The following GDA variants were observed in gnomAD, a reference collection of about 807,000 sequenced individuals.
The protein encoded by GDA is guanine deaminase.
GDA carries 18 observed loss-of-function variants against 59.6 expected under a neutral mutation model. The ratio of observed to expected loss-of-function variants is 0.30; its 90% CI spans 0.21 to 0.45. The LOEUF is 0.45. Ranked by LOEUF, GDA falls within the 20% of genes least tolerant of loss-of-function variation. The pLI is 1.00. For synonymous variants in GDA, 201 were observed against 201.1 expected (o/e 1.00, Z 0.00); for missense variants, 427 against 552.3 (o/e 0.77, Z 2.27).
Position 72,249,257 on chromosome 9 carries a change from A to C in GDA, c.*915A>C, listed in dbSNP as rs1407099173. ...CAAATGCTGGCATCCAGGAGCCGCCAATACTAACAGGACAGGTTCCATTGC... is the reference window on the plus strand; with the variant it reads ...CAAATGCTGGCATCCAGGAGCCGCCCATACTAACAGGACAGGTTCCATTGC... On this transcript the variant is annotated 3_prime_UTR_variant, in exon 14 of 14. Transcript: ENST00000358399. 17 of 985,266 alleles carry C rather than the reference A, an allele frequency of 1.7e-5. No homozygotes were observed. Among genetic ancestry groups the C allele is most frequent in the Non-Finnish European group, 2.0e-5 (17 of 829,900 alleles). The allele number at this position is 985,266 out of a possible 1,614,324, so 61.0% of individuals were successfully genotyped here.
chr9:72,259,027 T>C (rs1028646024), downstream of GDA, among the ~76,000 whole-genome samples: 4 of 110,176 alleles, frequency 3.6e-5, no homozygotes, highest in African/African-American at 1.3e-4. Context: ...ATAATAACTC[T>C]TTTTTTTTTT....
intron 1 of GDA, among the ~76,000 whole-genome samples, chr9:72,170,103 C>T (rs1382206428): frequency 2.6e-5 from 4 of 152,128 alleles, no homozygotes; most frequent in African/African-American, 9.7e-5. Context: ...CGGGATATGA[C>T]AAAGAAGATC....
At position 72,125,567 on chromosome 9, in the gene GDA, T is replaced by C. The variant is rs565196883; in HGVS notation, c.-100+10734T>C. Among the ~76,000 whole-genome samples, 158 of 152,310 alleles carry C rather than the reference T, an allele frequency of 1.0e-3. 1 individual carries two copies. Among genetic ancestry groups the C allele is most frequent in the African/African-American group, 3.6e-3 (149 of 41,572 alleles). ...ATTTTATAGGCATAAAATAAAATCA[T>C]GTACTTAGAATTAAAAATGACGCCA... On this transcript the variant is annotated intron_variant, in intron 1 of 13. Transcript: ENST00000545168.
At chr9:72,126,846 C>T (rs761214417) in intron 1 of GDA, among the ~76,000 whole-genome samples, 2 of 151,920 alleles carry the variant, frequency 1.3e-5, no homozygotes, top group Non-Finnish European at 2.9e-5. Flanking sequence ...GGATTACATG[C>T]GTGAGCCACC....
chr9:72,216,806 G>C (rs1008033468), intron 5 of GDA, among the ~76,000 whole-genome samples: 1 of 151,898 alleles, frequency 6.6e-6, no homozygotes, highest in Non-Finnish European at 1.5e-5. Context: ...CTCCCAAGTA[G>C]CTGCGACTAC....
At chr9:72,222,471 T>C (rs1837014124) in intron 6 of GDA, among the ~76,000 whole-genome samples, 1 of 152,252 alleles carries the variant, frequency 6.6e-6, no homozygotes, top group Non-Finnish European at 1.5e-5. Flanking sequence ...TAGACTTTTG[T>C]CAGATGCATA....
chr9:72,166,850 C>A (rs12347198), intron 1 of GDA, among the ~76,000 whole-genome samples: 1 of 151,988 alleles, frequency 6.6e-6, no homozygotes, highest in African/African-American at 2.4e-5. Context: ...CACCAATTTC[C>A]TTTTTCTCAG....
intron 1 of GDA, among the ~76,000 whole-genome samples, chr9:72,175,756 A>G (rs1262832497): frequency 6.6e-6 from 1 of 152,184 alleles, no homozygotes; most frequent in Admixed American, 6.5e-5. Flanking sequence ...CCCACTTTCT[A>G]CTTTTACAAC....
At chr9:72,197,773 G>C (rs115957786) in intron 2 of GDA, among the ~76,000 whole-genome samples, 1,639 of 152,200 alleles carry the variant, frequency 0.011, 39 homozygotes, top group African/African-American at 0.038. Flanking sequence ...AGTTATGTGC[G>C]GTTGAATTTA....
rs530067207 is a variant in GDA, at chr9:72,213,531, C to T, written c.473-355C>T. Among the ~76,000 whole-genome samples, 33 of 152,052 alleles carry T rather than the reference C, an allele frequency of 2.2e-4. 2 individuals carry two copies. Among genetic ancestry groups the T allele is most frequent in the Admixed American group, 7.9e-4 (12 of 15,276 alleles). On this transcript the variant is annotated intron_variant, in intron 4 of 13. Transcript: ENST00000358399. Reference sequence around the variant, plus strand: ...GAAAAAGTACTGTTTTGGCCGGGCGCGGTGGCTCACGCCTGTAATCCCAGC... The same window carrying T: ...GAAAAAGTACTGTTTTGGCCGGGCGTGGTGGCTCACGCCTGTAATCCCAGC...
chr9:72,148,998 C>G (rs188502386), upstream of GDA, among the ~76,000 whole-genome samples: 1 of 152,156 alleles, frequency 6.6e-6, no homozygotes, highest in African/African-American at 2.4e-5. Flanking sequence ...CAGAGATGTT[C>G]GGTAAGACAT....
chr9:72,144,530 A>G (rs1826552826), upstream of GDA, among the ~76,000 whole-genome samples: 1 of 152,234 alleles, frequency 6.6e-6, no homozygotes, highest in African/African-American at 2.4e-5. Flanking sequence ...AGTGCTTAGC[A>G]TGGTGCCTAT....
chr9:72,120,658 G>T (rs2130572539), intron 1 of GDA, among the ~76,000 whole-genome samples: 3 of 152,186 alleles, frequency 2.0e-5, no homozygotes, highest in Admixed American at 2.0e-4. Context: ...ATGTGACATT[G>T]TTAACATGCT....
intron 1 of GDA, among the ~76,000 whole-genome samples, chr9:72,139,510 C>T (rs997132483): frequency 4.6e-5 from 7 of 152,102 alleles, no homozygotes; most frequent in Admixed American, 2.0e-4. Context: ...AGAGAAGTCT[C>T]TAAATAAAAA....
chr9:72,245,036 ATTT>A, intron 11 of GDA, 109 bp from the exon 12 acceptor site: 1 of 766,272 alleles, frequency 1.3e-6, no homozygotes, highest in Non-Finnish European at 2.1e-6. Flanking sequence ...TAAGATACTA[ATTT>A]TTTTTTTTCT....
At chr9:72,229,137 C>T (rs1255783681) in intron 9 of GDA, 5 of 145,026 alleles carry the variant, frequency 3.4e-5, no homozygotes, top group African/African-American at 1.4e-4. Flanking sequence ...AGATCGAGAC[C>T]ATCCCGGCTA....
At chr9:72,142,836 T>G (rs1214867400) in intron 1 of GDA, among the ~76,000 whole-genome samples, 1 of 151,862 alleles carries the variant, frequency 6.6e-6, no homozygotes, top group East Asian at 2.0e-4. Context: ...TGGCGCGATC[T>G]TGGCTCACTG....
At chr9:72,208,092 G>A (rs1004831702) in intron 3 of GDA, among the ~76,000 whole-genome samples, 3 of 150,020 alleles carry the variant, frequency 2.0e-5, no homozygotes, top group Non-Finnish European at 4.4e-5. Flanking sequence ...GCAAGACCCT[G>A]TCTCAAAAAA....
At chr9:72,137,525 C>T (rs946909392) in intron 1 of GDA, among the ~76,000 whole-genome samples, 6 of 151,986 alleles carry the variant, frequency 3.9e-5, no homozygotes, top group South Asian at 2.1e-4. Flanking sequence ...GGATTACAAG[C>T]GTGAGCCACC....
Sources: allele counts gnomAD v4.1 joint callset (sites outside exome capture counted in the v4.1 genomes callset), GRCh38; gene constraint gnomAD v4.1.1; transcripts MANE v1.5; gene names NCBI Gene and HGNC (gene_info 2026-07-23, HGNC 2026-07-21).